Variants in WDR20 observed in about 807,000 individuals in gnomAD.
WDR20 encodes the protein WD repeat-containing protein 20.
WDR20 carries 3 observed loss-of-function variants against 38.7 expected under a neutral mutation model. The observed-to-expected ratio is 0.08, with a 90% CI of 0.04 to 0.20. WDR20 has a LOEUF of 0.20. Among genes scored for constraint, WDR20 ranks in the 10% least tolerant of loss-of-function variants. The pLI, the probability that WDR20 is intolerant of heterozygous loss-of-function variation, is 1.00. For missense variants in WDR20, 559 were observed against 727.7 expected, an observed-to-expected ratio of 0.77 and a Z score of 2.67; for synonymous variants, 298 against 285.6, an observed-to-expected ratio of 1.04 and a Z score of -0.44.
At chr14:102,180,787 C>T (rs1284617392) in intron 1 of WDR20, among the ~76,000 whole-genome samples, 4 of 152,176 alleles carry the variant, frequency 2.6e-5, no homozygotes, top group African/African-American at 4.8e-5. Context: ...TACCCTTTGT[C>T]GTAACCATGT....
chr14:102,186,046 TACAA>T (rs2064623822), intron 1 of WDR20, among the ~76,000 whole-genome samples: 1 of 152,228 alleles, frequency 6.6e-6, no homozygotes, highest in Admixed American at 6.5e-5. Flanking sequence ...ACTGAAACTG[TACAA>T]TTGATTACTG....
chr14:102,140,331 C>T, intron 1 of WDR20, 159 bp downstream of exon 1: 1 of 1,241,400 alleles, frequency 8.1e-7, no homozygotes. Flanking sequence ...AGAGGGGATT[C>T]AGGAGTAAGG....
At chr14:102,142,655 C>T (rs996476925) in intron 1 of WDR20, among the ~76,000 whole-genome samples, 2 of 151,712 alleles carry the variant, frequency 1.3e-5, no homozygotes, top group Non-Finnish European at 2.9e-5. Flanking sequence ...GAGGTCTTGC[C>T]GTGTTGCCCA....
At chr14:102,211,293 C>G (rs1047917649), downstream of WDR20, among the ~76,000 whole-genome samples, 58 of 152,190 alleles carry the variant, frequency 3.8e-4, no homozygotes, top group African/African-American at 1.4e-3. This position sits in a 1 kb window ranked among gnomAD's most constrained non-coding sequence, Gnocchi z 4.2. Flanking sequence ...TATGATTCAG[C>G]AAAGTGAAGA....
At chr14:102,216,945 T>A (rs117750532), downstream of WDR20, among the ~76,000 whole-genome samples, 10 of 152,134 alleles carry the variant, frequency 6.6e-5, no homozygotes, top group East Asian at 1.4e-3. Flanking sequence ...AGAAAAAAAA[T>A]AGCCATTTCT....
downstream of WDR20, chr14:102,224,633 A>C: frequency 2.2e-6 from 1 of 455,948 alleles, no homozygotes; most frequent in Non-Finnish European, 4.4e-6. Context: ...CATTTTCACC[A>C]TTTGTATGAA....
rs555955674 is a variant in WDR20, at chr14:102,202,581, C to T, written c.433-6022C>T. Among the ~76,000 whole-genome samples the T allele has an allele frequency of 1.5e-4, 23 of 151,880 alleles. No homozygotes were observed. In the South Asian group the frequency reaches 4.4e-3, roughly 29 times the overall value. ...ATTTTTAGTAGAGACAGGGTTTCAC[C>T]ATATTGGCCAGGATGGTCTCGATCT... On this transcript the variant is annotated intron_variant, in intron 2 of 2. Transcript: ENST00000342702.
chr14:102,148,667 CTTTGTGTG>C (rs2054553676), intron 1 of WDR20, among the ~76,000 whole-genome samples: 1 of 94,874 alleles, frequency 1.1e-5, no homozygotes, highest in African/African-American at 4.1e-5. Context: ...AAGAGTTTGG[CTTTGTGTG>C]TGTGTGTGTG....
exon 4 of WDR20, chr14:102,223,009 G>C: frequency 3.6e-6 from 4 of 1,125,546 alleles, no homozygotes; most frequent in Non-Finnish European, 5.2e-6. Flanking sequence ...GGCGATAGCC[G>C]TGTGGACGGT....
downstream of WDR20, chr14:102,224,415 C>A (rs763557660): frequency 5.4e-6 from 2 of 371,984 alleles, no homozygotes; most frequent in Admixed American, 6.8e-5. Context: ...ACCTGCTCAG[C>A]GAGTTACTGG....
intron 1 of WDR20, among the ~76,000 whole-genome samples, chr14:102,178,475 C>T (rs1447511036): frequency 6.6e-6 from 1 of 151,954 alleles, no homozygotes; most frequent in Non-Finnish European, 1.5e-5. Context: ...GTTTGTGCAC[C>T]TCTTCTCCCT....
chr14:102,182,898 A>G (rs967353634), intron 1 of WDR20, among the ~76,000 whole-genome samples: 2 of 152,054 alleles, frequency 1.3e-5, no homozygotes, highest in African/African-American at 4.8e-5. Context: ...ATACATATAT[A>G]TACAGGTGGT....
rs28540894 is a variant in WDR20 at position 102,221,748 on chromosome 14, G to A, written c.1693-1082G>A. ...TGGGCGAGGCTGAAGGGCAGTTTCC[G>A]ATTGTCACCTTCATTTGTGTCCACA... On this transcript the variant is annotated intron_variant, in intron 3 of 3. Transcript: ENST00000335263. The surrounding 1 kb of genome is among the most constrained non-coding windows in gnomAD (Gnocchi z 4.8). Among the ~76,000 whole-genome samples the A allele has an allele frequency of 0.054, 8,200 of 152,240 alleles. 274 individuals carry two copies. Among genetic ancestry groups the A allele is most frequent in the African/African-American group, 0.1 (4,228 of 41,524 alleles).
intron 1 of WDR20, among the ~76,000 whole-genome samples, chr14:102,190,203 G>T (rs2065971439): frequency 1.3e-5 from 2 of 152,172 alleles, no homozygotes; most frequent in African/African-American, 4.8e-5. Context: ...CCAGCTTTGA[G>T]GGGTGACTAG....
At position 102,179,471 on chromosome 14, in the gene WDR20, TG is replaced by T. The variant is rs1405658954; in HGVS notation, c.250-15463del. Among the ~76,000 whole-genome samples, 3 of 147,388 alleles carry T rather than the reference TG, an allele frequency of 2.0e-5. No individual in the cohort carries two copies. The Admixed American group carries it at 2.0e-4, about 10-fold the overall frequency. ...AAAAAAAAAAGAAAGAAAAAAGAAA[TG>T]GGGTCTCACTATGTTGCCCAGGCTG... On this transcript the variant is annotated intron_variant, in intron 1 of 2. Coordinates refer to ENST00000342702, the MANE Select transcript of WDR20 (RefSeq NM_144574.4).
chr14:102,194,438 G>T (rs1039701854), intron 1 of WDR20, among the ~76,000 whole-genome samples: 1 of 152,148 alleles, frequency 6.6e-6, no homozygotes, highest in East Asian at 1.9e-4. Flanking sequence ...CTGGGGTGAG[G>T]TTTGAGATTT....
rs114698869 is a variant in WDR20 at position 102,186,337 on chromosome 14, C to T, written c.250-8601C>T. On this transcript the variant is annotated intron_variant, in intron 1 of 2. Coordinates refer to ENST00000342702, the MANE Select transcript of WDR20 (RefSeq NM_144574.4). ...GCTGTGCAGCTGATTGTTACTTGAG[C>T]GTTAAACTGTTCGCCTACACATGAA... Among the ~76,000 whole-genome samples, 692 of 152,206 alleles carry T rather than the reference C, an allele frequency of 4.5e-3. 6 individuals are homozygous for T. Among genetic ancestry groups the T allele is most frequent in the African/African-American group, 0.015 (640 of 41,516 alleles).
At chr14:102,149,756 C>T (rs987717654) in intron 1 of WDR20, among the ~76,000 whole-genome samples, 3 of 152,170 alleles carry the variant, frequency 2.0e-5, no homozygotes, top group South Asian at 4.1e-4. Flanking sequence ...TGCAGTGGCT[C>T]GATCTCAGCA....
chr14:102,173,782 C>T (rs1027427644), intron 1 of WDR20, among the ~76,000 whole-genome samples: 36 of 152,096 alleles, frequency 2.4e-4, no homozygotes, highest in Admixed American at 8.5e-4. Flanking sequence ...AGGTGATTCA[C>T]GCCTGTAATC....
Sources: allele counts gnomAD v4.1 joint callset (sites outside exome capture counted in the v4.1 genomes callset), GRCh38; gene constraint gnomAD v4.1.1; non-coding constraint Gnocchi (gnomAD v3.1); transcripts MANE v1.5; gene names NCBI Gene and HGNC (gene_info 2026-07-23, HGNC 2026-07-21).